Variants in TMEM117 observed in about 807,000 individuals in gnomAD.
TMEM117 encodes the protein transmembrane protein 117.
TMEM117 carries 27 observed loss-of-function variants against 52.4 expected under a neutral mutation model. That is an observed-to-expected ratio of 0.51 (90% CI 0.38 to 0.71). The LOEUF (loss-of-function observed/expected upper bound fraction) is 0.71, where lower values mean the gene tolerates loss of function less well. TMEM117 is among the 30% of genes least tolerant of loss of function. The pLI is 0.00. For missense variants in TMEM117, 556 were observed against 630.5 expected (o/e 0.88, Z 1.26); for synonymous variants, 215 against 206.3 (o/e 1.04, Z -0.36).
In TMEM117 at chr12:44,388,167, A is replaced by G; in HGVS notation, c.1040A>G (p.Glu347Gly). 2.5e-6 allele frequency: 4 copies of G among 1,613,374 alleles called. No homozygotes were observed. The highest frequency in any genetic ancestry group is 3.4e-6 in the Non-Finnish European group (4 of 1,179,602). ...AAGATATATACAGTGAAAGACTCAG[A>G]AAGTTTAAAAGATTTGAACAGAACC... is the stretch of plus-strand genomic sequence containing the variant. ...GQKIYTVKDS[E>G]SLKDLNRTKL... The change falls in exon 8 of 8, where the codon GAA becomes GGA. Residue 347 changes from glutamate to glycine, a missense_variant. Around this residue, in one of 3 missense-constraint regions of TMEM117, gnomAD observed 206 missense variants for 211.1 expected, o/e 0.98. Coordinates refer to ENST00000266534, the MANE Select transcript of TMEM117 (RefSeq NM_032256.3).
rs538922245 is a variant in TMEM117 at position 44,204,883 on chromosome 12, C to G, written c.511-6407C>G. Among the ~76,000 whole-genome samples the G allele has an allele frequency of 5.3e-5, 8 of 152,094 alleles. No homozygotes were observed. In the East Asian group the frequency reaches 1.5e-3, roughly 29 times the overall value. Reference sequence around the variant, plus strand: ...GAATGGAACCGGCCCCTTCCTTTCACCATATACAAAAATCAACTCAAGATG... The same window carrying G: ...GAATGGAACCGGCCCCTTCCTTTCAGCATATACAAAAATCAACTCAAGATG... On this transcript the variant is annotated intron_variant, in intron 4 of 7. Coordinates refer to ENST00000266534, the MANE Select transcript of TMEM117 (RefSeq NM_032256.3).
intron 3 of TMEM117, among the ~76,000 whole-genome samples, chr12:44,090,546 A>T (rs1451587821): frequency 6.6e-6 from 1 of 151,562 alleles, no homozygotes; most frequent in East Asian, 1.9e-4. Flanking sequence ...AGGCAGTTCT[A>T]CTGCCTCGGC....
At chr12:43,984,482 T>G (rs1945814105) in intron 3 of TMEM117, among the ~76,000 whole-genome samples, 1 of 152,204 alleles carries the variant, frequency 6.6e-6, no homozygotes, top group Non-Finnish European at 1.5e-5. Context: ...GAGATAGTGT[T>G]TTCATCAGAT....
intron 6 of TMEM117, among the ~76,000 whole-genome samples, chr12:44,354,028 G>T (rs1434562217): frequency 7.2e-5 from 11 of 152,182 alleles, no homozygotes; most frequent in Admixed American, 5.2e-4. Flanking sequence ...TTGTAAGTTG[G>T]CTTCCTAGGT....
At chr12:43,933,727 T>C (rs1030925701) in intron 2 of TMEM117, among the ~76,000 whole-genome samples, 4 of 151,342 alleles carry the variant, frequency 2.6e-5, no homozygotes, top group African/African-American at 9.7e-5. Flanking sequence ...CACACCCAGC[T>C]AATTTTTGTA....
intron 3 of TMEM117, among the ~76,000 whole-genome samples, chr12:44,020,701 A>G (rs1331722226): frequency 6.6e-6 from 1 of 152,292 alleles, no homozygotes; most frequent in South Asian, 2.1e-4. Flanking sequence ...GTAGTTCTTG[A>G]TAGGGTATTT....
intron 7 of TMEM117, among the ~76,000 whole-genome samples, chr12:44,382,636 T>C (rs1300137805): frequency 6.6e-6 from 1 of 152,198 alleles, no homozygotes; most frequent in Non-Finnish European, 1.5e-5. Context: ...CTTCTTTCTA[T>C]GCTTATGATC....
chr12:44,361,888 T>A (rs1951726251), intron 6 of TMEM117, among the ~76,000 whole-genome samples: 1 of 152,174 alleles, frequency 6.6e-6, no homozygotes, highest in Non-Finnish European at 1.5e-5. Context: ...ATTGTTTGAT[T>A]AGTGTTCAAC....
At chr12:44,213,162 G>T (rs766161106) in intron 5 of TMEM117, among the ~76,000 whole-genome samples, 2 of 152,054 alleles carry the variant, frequency 1.3e-5, no homozygotes, top group Non-Finnish European at 2.9e-5. Flanking sequence ...GAGGCAGCAG[G>T]CCAAAGACTT....
chr12:43,908,234 T>C (rs549361885), intron 2 of TMEM117, among the ~76,000 whole-genome samples: 21 of 72,212 alleles, frequency 2.9e-4, no homozygotes, highest in African/African-American at 5.7e-4. Flanking sequence ...GAATTTCATA[T>C]CCAGCCAAAC....
intron 3 of TMEM117, among the ~76,000 whole-genome samples, chr12:43,954,467 C>A (rs917217244): frequency 6.6e-6 from 1 of 151,952 alleles, no homozygotes; most frequent in Admixed American, 6.6e-5. Flanking sequence ...AGGCGGATAC[C>A]ACCACTGACC....
chr12:44,276,472 G>A (rs77163274), intron 5 of TMEM117, among the ~76,000 whole-genome samples: 4,645 of 152,048 alleles, frequency 0.031, 109 homozygotes, highest in Admixed American at 0.044. Flanking sequence ...AATAAAATGG[G>A]TATCAGCAGC....
chr12:44,212,814 CA>C (rs201443555), intron 5 of TMEM117, among the ~76,000 whole-genome samples: 1,744 of 151,406 alleles, frequency 0.012, 22 homozygotes, highest in South Asian at 0.052. Flanking sequence ...TTTTTTAATG[CA>C]AAAGCTTCAA....
chr12:43,980,533 A>G (rs1945743727), intron 3 of TMEM117, among the ~76,000 whole-genome samples: 1 of 152,202 alleles, frequency 6.6e-6, no homozygotes, highest in South Asian at 2.1e-4. Context: ...TGAGCTGATA[A>G]CTGTTGTCCC....
chr12:43,836,102 C>G lies in TMEM117; in HGVS notation c.-123C>G, dbSNP rs1943022086. On this transcript the variant is annotated 5_prime_UTR_variant, in exon 1 of 8. Transcript: ENST00000266534. ...CGGCAGCGACGCCGCCGGCCCGTCT[C>G]GCCGCGCTTCCCAGCGAGGCCGCCG... 1 of 152,012 alleles carries G rather than the reference C, an allele frequency of 6.6e-6. No individual in the cohort carries two copies. The highest frequency in any genetic ancestry group is 1.9e-4 in the East Asian group (1 of 5,164). 9.4% of individuals were successfully genotyped at this position (152,012 alleles called of 1,614,324 possible).
At position 44,388,797 on chromosome 12, in the gene TMEM117, C is replaced by G. The variant is rs938526469; in HGVS notation, c.*125C>G. On this transcript the variant is annotated 3_prime_UTR_variant, in exon 8 of 8. Coordinates refer to ENST00000266534, the MANE Select transcript of TMEM117 (RefSeq NM_032256.3). ...GGTAAAAATATGAACAATGCCACAACGGTGCTCAACATGCTTTTTCTAGGA... is the reference window on the plus strand; with the variant it reads ...GGTAAAAATATGAACAATGCCACAAGGGTGCTCAACATGCTTTTTCTAGGA... 7 of 1,012,704 alleles carry G rather than the reference C, an allele frequency of 6.9e-6. No individual in the cohort carries two copies. The African/African-American group carries it at 8.1e-5, about 12-fold the overall frequency. 62.7% of individuals were successfully genotyped at this position (1,012,704 alleles called of 1,614,324 possible). A position where few individuals can be genotyped will look rare whatever the true frequency, so the allele number is the denominator to read the frequency against.
chr12:44,359,013 A>G (rs537251454), intron 6 of TMEM117, among the ~76,000 whole-genome samples: 1 of 152,188 alleles, frequency 6.6e-6, no homozygotes, highest in Non-Finnish European at 1.5e-5. Flanking sequence ...ATCCCATTAA[A>G]TCTCACAGCA....
intron 3 of TMEM117, among the ~76,000 whole-genome samples, chr12:44,134,533 A>G (rs1173781388): frequency 6.6e-6 from 1 of 152,212 alleles, no homozygotes; most frequent in Non-Finnish European, 1.5e-5. Context: ...ATGCGGAAAC[A>G]GTACATTAGA....
intron 3 of TMEM117, among the ~76,000 whole-genome samples, chr12:44,035,229 T>G (rs1360348005): frequency 6.6e-6 from 1 of 152,202 alleles, no homozygotes; most frequent in Non-Finnish European, 1.5e-5. Context: ...ATTAGTACAG[T>G]AAGGATGCAA....
Sources: gnomAD v4.1 joint callset for allele counts (sites outside exome capture counted in the v4.1 genomes callset) on GRCh38, gnomAD v4.1.1 for gene constraint, gnomAD v4.1.1 regional missense constraint, MANE v1.5 for transcripts, NCBI Gene and HGNC (gene_info 2026-07-23, HGNC 2026-07-21) for gene names.